Variants in GABRB2 observed in about 807,000 individuals in gnomAD.
GABRB2 encodes the protein gamma-aminobutyric acid type A receptor subunit beta2.
Under a neutral mutation model 54.7 loss-of-function variants are expected in GABRB2, and 16 were observed. That is an observed-to-expected ratio of 0.29 (90% CI 0.20 to 0.44). GABRB2 has a LOEUF of 0.44. Ranked by LOEUF, GABRB2 falls within the 20% of genes least tolerant of loss-of-function variation. The probability of loss-of-function intolerance (pLI) is 1.00; values close to 1 mark genes in which losing one functional copy is unlikely to be tolerated. For missense variants in GABRB2, 355 were observed against 644.0 expected (o/e 0.55, Z 4.86); for synonymous variants, 244 against 233.8 (o/e 1.04, Z -0.40).
chr5:161,372,348 G>A (rs1446664570), intron 5 of GABRB2, among the ~76,000 whole-genome samples: 1 of 152,162 alleles, frequency 6.6e-6, no homozygotes, highest in Non-Finnish European at 1.5e-5. Context: ...GAGGAAGAAT[G>A]TGCTCTTTTA....
Position 161,290,677 on chromosome 5 carries a change from A to G in GABRB2, c.*3404T>C, listed in dbSNP as rs369523165. 2 of 152,544 alleles carry G rather than the reference A, an allele frequency of 1.3e-5. No individual in the cohort carries two copies. Among genetic ancestry groups the G allele is most frequent in the South Asian group, 2.1e-4 (1 of 4,820 alleles). 9.4% of individuals were successfully genotyped at this position (152,544 alleles called of 1,614,324 possible). A position where few individuals can be genotyped will look rare whatever the true frequency, so the allele number is the denominator to read the frequency against. ...ACATATATACATGTAGATATGTTGT[A>G]AGACCTATTTTGATGATGTTGCTTT... On this transcript the variant is annotated 3_prime_UTR_variant, in exon 10 of 10. Transcript: ENST00000393959.
intron 9 of GABRB2, among the ~76,000 whole-genome samples, chr5:161,315,811 A>G (rs1309151530): frequency 6.6e-6 from 1 of 152,128 alleles, no homozygotes; most frequent in Non-Finnish European, 1.5e-5. Flanking sequence ...TCTTCTTGCT[A>G]TTTTGAAATA....
chr5:161,318,500 T>C (rs1025830085), intron 9 of GABRB2, among the ~76,000 whole-genome samples: 1 of 152,020 alleles, frequency 6.6e-6, no homozygotes, highest in Non-Finnish European at 1.5e-5. Flanking sequence ...TGATATGAAA[T>C]TATACTTTTA....
At chr5:161,447,258 T>C (rs992713620) in intron 4 of GABRB2, among the ~76,000 whole-genome samples, 1 of 152,190 alleles carries the variant, frequency 6.6e-6, no homozygotes, top group African/African-American at 2.4e-5. Context: ...ACCCATACTC[T>C]TAACACATTG....
intron 3 of GABRB2, among the ~76,000 whole-genome samples, chr5:161,491,014 T>G (rs930815426): frequency 1.3e-5 from 2 of 151,684 alleles, no homozygotes; most frequent in Non-Finnish European, 3.0e-5. Context: ...TTTGTAAAAC[T>G]TTCTGCATAA....
At chr5:161,421,208 T>G (rs1756837267) in intron 4 of GABRB2, among the ~76,000 whole-genome samples, 1 of 152,112 alleles carries the variant, frequency 6.6e-6, no homozygotes, top group Admixed American at 6.5e-5. Context: ...CTGAAGGACA[T>G]TTATTAAGGA....
intron 9 of GABRB2, among the ~76,000 whole-genome samples, chr5:161,314,885 T>C (rs542102570): frequency 6.6e-6 from 1 of 152,176 alleles, no homozygotes; most frequent in Non-Finnish European, 1.5e-5. Flanking sequence ...ATAAATTAAA[T>C]GTTAATAATA....
At chr5:161,438,660 G>T (rs1161563654) in intron 4 of GABRB2, among the ~76,000 whole-genome samples, 1 of 152,056 alleles carries the variant, frequency 6.6e-6, no homozygotes, top group Non-Finnish European at 1.5e-5. Flanking sequence ...ATAACACAGA[G>T]AAGAAGTTCA....
At chr5:161,511,100 A>G (rs572238019) in intron 3 of GABRB2, among the ~76,000 whole-genome samples, 8 of 152,140 alleles carry the variant, frequency 5.3e-5, no homozygotes, top group Non-Finnish European at 1.0e-4. Context: ...AAGTGGCAAC[A>G]TCACAAATGT....
chr5:161,425,816 A>AC (rs1236284301), intron 4 of GABRB2, among the ~76,000 whole-genome samples: 4 of 152,138 alleles, frequency 2.6e-5, no homozygotes, highest in African/African-American at 9.7e-5. Context: ...ATAATGGGGT[A>AC]CCATCTTTCT....
intron 5 of GABRB2, among the ~76,000 whole-genome samples, chr5:161,393,083 TA>T (rs1252816811): frequency 1.3e-5 from 2 of 151,412 alleles, no homozygotes; most frequent in South Asian, 2.1e-4. Flanking sequence ...ATCTTTTTTT[TA>T]AAAAATAAAA....
intron 3 of GABRB2, among the ~76,000 whole-genome samples, chr5:161,522,991 G>C (rs1422445811): frequency 4.0e-5 from 6 of 151,290 alleles, no homozygotes; most frequent in Non-Finnish European, 7.4e-5. Context: ...TTGAGTTTTA[G>C]TATGTGCAGA....
chr5:161,430,352 G>A (rs1023966388), intron 4 of GABRB2, among the ~76,000 whole-genome samples: 3 of 152,110 alleles, frequency 2.0e-5, no homozygotes, highest in Admixed American at 6.6e-5. Context: ...TTTCATCACA[G>A]CCTTAAATAA....
intron 3 of GABRB2, among the ~76,000 whole-genome samples, chr5:161,463,002 A>G (rs566256171): frequency 6.6e-6 from 1 of 151,922 alleles, no homozygotes; most frequent in Non-Finnish European, 1.5e-5. Context: ...AAACTGAAAA[A>G]CCCCAAATAA....
intron 4 of GABRB2, among the ~76,000 whole-genome samples, chr5:161,413,338 A>C (rs1465697680): frequency 6.6e-6 from 1 of 152,110 alleles, no homozygotes; most frequent in Non-Finnish European, 1.5e-5. Flanking sequence ...AACAATAGAT[A>C]CATTTTAATT....
intron 8 of GABRB2, among the ~76,000 whole-genome samples, chr5:161,328,829 A>G (rs1206102987): frequency 2.0e-5 from 3 of 152,090 alleles, no homozygotes; most frequent in African/African-American, 7.2e-5. Flanking sequence ...TAGTTTTTAC[A>G]ATGAAAGATG....
chr5:161,400,688 G>C (rs1480180000), intron 5 of GABRB2, among the ~76,000 whole-genome samples: 1 of 152,104 alleles, frequency 6.6e-6, no homozygotes, highest in Non-Finnish European at 1.5e-5. Context: ...CTTCACTTTT[G>C]AGAACCCGTA....
intron 4 of GABRB2, among the ~76,000 whole-genome samples, chr5:161,440,448 T>C (rs1479848041): frequency 1.3e-5 from 2 of 152,140 alleles, no homozygotes; most frequent in South Asian, 2.1e-4. Context: ...GCTATACTTA[T>C]ACCCGACAAA....
chr5:161,412,439 C>A lies in GABRB2; in HGVS notation c.459-1382G>T, dbSNP rs560595289. Among the ~76,000 whole-genome samples the A allele has an allele frequency of 1.2e-4, 19 of 152,290 alleles. No individual in the cohort carries two copies. In the South Asian group the frequency reaches 3.9e-3, roughly 32 times the overall value. On this transcript the variant is annotated intron_variant, in intron 4 of 9. Transcript: ENST00000393959. ...ACTGCCTCCCCTCTGAGTCTACATC[C>A]CCGATGCCTTACATCCAAATCACTG...
Sources: allele counts gnomAD v4.1 joint callset (sites outside exome capture counted in the v4.1 genomes callset), GRCh38; gene constraint gnomAD v4.1.1; transcripts MANE v1.5; gene names NCBI Gene and HGNC (gene_info 2026-07-23, HGNC 2026-07-21).